GCLC: variants seen among roughly 807,000 people sequenced by gnomAD.
The protein encoded by GCLC is glutamate--cysteine ligase catalytic subunit.
Under a neutral mutation model 81.5 loss-of-function variants are expected in GCLC, and 30 were observed. The ratio of observed to expected loss-of-function variants is 0.37; its 90% CI spans 0.28 to 0.50. GCLC has a LOEUF of 0.50. GCLC is among the 20% of genes least tolerant of loss of function. The pLI, the probability that GCLC is intolerant of heterozygous loss-of-function variation, is 0.96. For missense variants in GCLC, 556 were observed against 777.4 expected (o/e 0.72, Z 3.39); for synonymous variants, 262 against 273.3 (o/e 0.96, Z 0.41).
At chr6:53,523,544 A>C (rs1315107299) in intron 1 of GCLC, among the ~76,000 whole-genome samples, 1 of 152,212 alleles carries the variant, frequency 6.6e-6, no homozygotes, top group East Asian at 1.9e-4. Flanking sequence ...CCGTATATCC[A>C]CTATTTCCCA....
intron 1 of GCLC, 24 bp from the exon 2 acceptor site, chr6:53,522,551 A>G (rs775713823): frequency 4.2e-6 from 6 of 1,424,356 alleles, no homozygotes; most frequent in Non-Finnish European, 5.0e-6. Context: ...AGGTGAGAAA[A>G]ATTAACATTC....
At position 53,544,573 on chromosome 6, in the gene GCLC, G is replaced by A. The variant is rs760340517; in HGVS notation, c.73C>T (p.His25Tyr). ...ATGTGCAGGAACTGGAGGATCCCGT[G>A]CCGCCGCACGTGGTCGGCATGGCGC... The part of the protein sequence containing the change: ...TKRHADHVRR[H>Y]GILQFLHIYH... Residue 25 changes from histidine (H) to tyrosine (Y), a missense_variant, in exon 1 of 16, where the codon CAC becomes TAC. His to Tyr is a moderately conservative substitution (Grantham distance 83). Around this residue, in one of 3 missense-constraint regions of GCLC, gnomAD observed 234 missense variants for 303.8 expected, o/e 0.77. Transcript: ENST00000650454. 14 of 1,607,014 alleles carry A rather than the reference G, an allele frequency of 8.7e-6. No homozygotes were observed. Among genetic ancestry groups the A allele is most frequent in the Non-Finnish European group, 1.2e-5 (14 of 1,179,614 alleles).
At position 53,522,406 on chromosome 6, in the gene GCLC, A is replaced by G. The variant is rs1763014564; in HGVS notation, c.263+9T>C. On this transcript the variant is annotated intron_variant, in intron 2 of 15. Transcript: ENST00000650454. ...TTCAGAAACACTAAATCAGCACATG[A>G]GAGCTTACTTTGGGTTTGTCCTTTC... is the stretch of plus-strand genomic sequence containing the variant. 1.4e-6 allele frequency: 2 copies of G among 1,472,108 alleles called. No homozygotes were observed. The highest frequency in any genetic ancestry group is 2.8e-5 in the African/African-American group (2 of 72,318). 91.2% of individuals were successfully genotyped at this position (1,472,108 alleles called of 1,614,324 possible).
intron 3 of GCLC, among the ~76,000 whole-genome samples, chr6:53,517,251 T>C (rs939747442): frequency 3.0e-4 from 11 of 36,888 alleles, no homozygotes; most frequent in African/African-American, 9.8e-4. Context: ...TGTACCAAGT[T>C]TTTTTTTTTT....
Position 53,520,861 on chromosome 6 carries a change from C to T in GCLC, c.363G>A (p.Glu121=). Residue 121 remains glutamate, a synonymous_variant, in exon 3 of 16, where the codon GAG becomes GAA. Coordinates refer to ENST00000650454, the MANE Select transcript of GCLC (RefSeq NM_001498.4). ...CCTTCCGGCGTTTTCGCATGTTGGC[C>T]TCAACTGTATTGAACTCGGACATTG... ...GGTMSEFNTV[E]ANMRKRRKEA... The T allele has an allele frequency of 6.2e-7, 1 of 1,613,996 alleles. No homozygotes were observed. The highest frequency in any genetic ancestry group is 8.5e-7 in the Non-Finnish European group (1 of 1,179,844).
intron 4 of GCLC, among the ~76,000 whole-genome samples, chr6:53,515,539 G>A (rs1282104163): frequency 2.6e-5 from 4 of 152,212 alleles, no homozygotes; most frequent in African/African-American, 9.7e-5. Context: ...TCTGGATCAG[G>A]AGCCTAGGCT....
intron 4 of GCLC, among the ~76,000 whole-genome samples, chr6:53,515,078 CA>C (rs201096832): frequency 6.6e-6 from 1 of 151,374 alleles, no homozygotes; most frequent in African/African-American, 2.4e-5. Flanking sequence ...AGACTCCGTA[CA>C]AAAAAAATGT....
At chr6:53,533,625 GAGTATTA>G (rs1763208757) in intron 1 of GCLC, among the ~76,000 whole-genome samples, 1 of 152,108 alleles carries the variant, frequency 6.6e-6, no homozygotes, top group Admixed American at 6.6e-5. Flanking sequence ...ATAAGTTACA[GAGTATTA>G]AGTATTAAGG....
In GCLC at chr6:53,540,705, A is replaced by ACACACAC. The variant is rs58342057; in HGVS notation, c.150+3790_150+3791insGTGTGTG. Among the ~76,000 whole-genome samples, 764 of 150,788 alleles carry ACACACAC rather than the reference A, an allele frequency of 5.1e-3. 6 individuals are homozygous for ACACACAC. Among genetic ancestry groups the ACACACAC allele is most frequent in the African/African-American group, 0.017 (710 of 40,782 alleles). ...CACACACACACACACACACACACAC[A>ACACACAC]AAAGTCCTGGTTGGAATCTTCTAAA... is the stretch of plus-strand genomic sequence containing the variant. On this transcript the variant is annotated intron_variant, in intron 1 of 15. Transcript: ENST00000650454.
In GCLC at chr6:53,507,601, G is replaced by A. The variant is rs775994565; in HGVS notation, c.963C>T (p.Asn321=). The A allele has an allele frequency of 6.6e-6, 10 of 1,524,402 alleles. No homozygotes were observed. In the African/African-American group the frequency reaches 1.4e-4, roughly 21 times the overall value. 94.4% of individuals were successfully genotyped at this position (1,524,402 alleles called of 1,614,324 possible). ...ERGLEPLKNN[N]YRISKSRYDS... The stretch of plus-strand genomic sequence containing the variant: ...CATATCGGGATTTACTGATCCTATA[G>A]TTATTGTTCTTCAATGGCTAAAGAT... The change falls in exon 9 of 16, where the codon AAC becomes AAT. Residue 321 remains asparagine, a synonymous_variant. Transcript: ENST00000650454.
At position 53,498,975 on chromosome 6, in the gene GCLC, C is replaced by T. The variant is rs183803178; in HGVS notation, c.1703-8G>A. 927 of 1,592,652 alleles carry T rather than the reference C, an allele frequency of 5.8e-4. 1 individual carries two copies. The highest frequency in any genetic ancestry group is 7.0e-4 in the Non-Finnish European group (808 of 1,162,562). ...CAACTGTCATTAGTTCTCCTGTGGGCGAGGGGGGAGCGAAAAAAAAATTAA... is the reference window on the plus strand; with the variant it reads ...CAACTGTCATTAGTTCTCCTGTGGGTGAGGGGGGAGCGAAAAAAAAATTAA... On this transcript the variant is annotated splice_region_variant and splice_polypyrimidine_tract_variant and intron_variant, in intron 15 of 15. Coordinates refer to ENST00000650454, the MANE Select transcript of GCLC (RefSeq NM_001498.4).
At chr6:53,503,192 T>C (rs943510216) in intron 12 of GCLC, 1 of 152,234 alleles carries the variant, frequency 6.6e-6, no homozygotes, top group African/African-American at 2.4e-5. Flanking sequence ...CGAAGAGACA[T>C]CTGAAGAGCT....
At chr6:53,542,496 G>A (rs1358365704) in intron 1 of GCLC, among the ~76,000 whole-genome samples, 1 of 151,292 alleles carries the variant, frequency 6.6e-6, no homozygotes, top group Non-Finnish European at 1.5e-5. Context: ...AACAGGAGAG[G>A]CCTTTTTTAA....
chr6:53,533,819 A>C (rs546606325), intron 1 of GCLC, among the ~76,000 whole-genome samples: 1 of 144,312 alleles, frequency 6.9e-6, no homozygotes, highest in Non-Finnish European at 1.5e-5. Flanking sequence ...TTTGAGACGG[A>C]GTTTCACTCT....
chr6:53,522,601 G>GCCTC (rs1199231553), intron 1 of GCLC, 74 bp from the exon 2 acceptor site: 9 of 891,770 alleles, frequency 1.0e-5, no homozygotes, highest in African/African-American at 1.6e-5. Context: ...GAAGAAAAAG[G>GCCTC]CAGGGAAACG....
intron 4 of GCLC, among the ~76,000 whole-genome samples, chr6:53,515,596 G>C (rs933920481): frequency 7.9e-5 from 12 of 152,216 alleles, no homozygotes; most frequent in African/African-American, 2.4e-4. Flanking sequence ...GATCAGGCTA[G>C]TGAGAGCCTT....
chr6:53,515,885 T>C (rs1179494372), intron 4 of GCLC, among the ~76,000 whole-genome samples: 1 of 152,134 alleles, frequency 6.6e-6, no homozygotes, highest in Non-Finnish European at 1.5e-5. Context: ...TTGTGACGAC[T>C]TGGAGAATTG....
chr6:53,544,753 C>A lies in GCLC; in HGVS notation c.-108G>T. On this transcript the variant is annotated 5_prime_UTR_variant, in exon 1 of 16. Transcript: ENST00000650454. ...GCAGAAGGCGGCTGCCGCTCCACCC[C>A]GCGGGGGCGCTCTCGGGCCGCAGTC... 9.0e-7 allele frequency: 1 copy of A among 1,116,266 alleles called. No homozygotes were observed. The highest frequency in any genetic ancestry group is 1.2e-6 in the Non-Finnish European group (1 of 815,870). The allele number at this position is 1,116,266 out of a possible 1,614,324, so 69.1% of individuals were successfully genotyped here. A position where few individuals can be genotyped will look rare whatever the true frequency, so the allele number is the denominator to read the frequency against.
In GCLC at chr6:53,507,565, G is replaced by A; in HGVS notation, c.999C>T (p.Asp333=). The change falls in exon 9 of 16, where the codon GAC becomes GAT. Residue 333 remains aspartate, a synonymous_variant. Coordinates refer to ENST00000650454, the MANE Select transcript of GCLC (RefSeq NM_001498.4). ...RISKSRYDSI[D]SYLSKCGEKY... ...TCTCACCACACTTAGATAAATAGCT[G>A]TCTATTGAGTCATATCGGGATTTAC... is the stretch of plus-strand genomic sequence containing the variant. The A allele has an allele frequency of 6.3e-7, 1 of 1,579,906 alleles. No individual in the cohort carries two copies. Among genetic ancestry groups the A allele is most frequent in the Non-Finnish European group, 8.7e-7 (1 of 1,149,138 alleles).
Sources: gnomAD v4.1 joint callset for allele counts (sites outside exome capture counted in the v4.1 genomes callset) on GRCh38, gnomAD v4.1.1 for gene constraint, gnomAD v4.1.1 regional missense constraint, MANE v1.5 for transcripts, NCBI Gene and HGNC (gene_info 2026-07-23, HGNC 2026-07-21) for gene names.